Variants in CTNNA2 observed in about 807,000 individuals in gnomAD.
CTNNA2 encodes catenin alpha-2.
In CTNNA2, 42 loss-of-function variants were observed where a neutral mutation model predicts 101.0. That is an observed-to-expected ratio of 0.42 (90% CI 0.32 to 0.54). The LOEUF (loss-of-function observed/expected upper bound fraction) is 0.54, where lower values mean the gene tolerates loss of function less well. CTNNA2 is among the 20% of genes least tolerant of loss of function. CTNNA2 has a pLI of 0.14. For missense variants in CTNNA2, 871 were observed against 1,223.1 expected (o/e 0.71, Z 4.29); for synonymous variants, 450 against 456.4 (o/e 0.99, Z 0.18).
At chr2:79,930,103 G>T (rs1687285975) in intron 7 of CTNNA2, among the ~76,000 whole-genome samples, 1 of 151,884 alleles carries the variant, frequency 6.6e-6, no homozygotes, top group African/African-American at 2.4e-5. Context: ...CGGGTGTGGT[G>T]GTGCGCACCT....
chr2:79,539,785 G>A (rs1036464365), intron 1 of CTNNA2, among the ~76,000 whole-genome samples: 5 of 152,074 alleles, frequency 3.3e-5, no homozygotes, highest in African/African-American at 1.2e-4. Flanking sequence ...AAATGAGGCT[G>A]ACCACAACTG....
intron 4 of CTNNA2, among the ~76,000 whole-genome samples, chr2:79,473,378 GCTAACACACATACATTTTCAAT>G (rs1671020923): frequency 6.6e-6 from 1 of 151,648 alleles, no homozygotes; most frequent in South Asian, 2.1e-4. Flanking sequence ...TACCAAGTAG[GCTAACACACATACATTTTCAAT>G]CTCTCTGTCT....
intron 3 of CTNNA2, among the ~76,000 whole-genome samples, chr2:79,795,646 C>T (rs189582926): frequency 7.4e-4 from 112 of 152,044 alleles, no homozygotes; most frequent in Non-Finnish European, 1.4e-3. Flanking sequence ...GGCTACATTG[C>T]GACTCAAATA....
intron 4 of CTNNA2, among the ~76,000 whole-genome samples, chr2:79,502,520 C>T (rs959381587): frequency 1.3e-5 from 2 of 152,126 alleles, no homozygotes; most frequent in East Asian, 1.9e-4. Context: ...GAGAGAAGTA[C>T]TAGAATCCTC....
intron 2 of CTNNA2, among the ~76,000 whole-genome samples, chr2:79,663,033 A>G (rs1438703713): frequency 2.6e-5 from 4 of 152,052 alleles, no homozygotes; most frequent in African/African-American, 4.8e-5. Flanking sequence ...ACCCATCCCT[A>G]TGGCTTTTAT....
intron 3 of CTNNA2, among the ~76,000 whole-genome samples, chr2:79,833,339 T>G (rs1679070594): frequency 6.6e-6 from 1 of 152,162 alleles, no homozygotes; most frequent in African/African-American, 2.4e-5. Flanking sequence ...GGAGTTAGCC[T>G]AAGAACTCAA....
intron 9 of CTNNA2, among the ~76,000 whole-genome samples, chr2:80,477,825 C>A: frequency 1.3e-5 from 2 of 151,342 alleles, no homozygotes; most frequent in Middle Eastern, 6.9e-3. Flanking sequence ...CATATCTTTG[C>A]AATTGTGAAT....
chr2:80,247,544 A>T (rs1312593294), intron 7 of CTNNA2, among the ~76,000 whole-genome samples: 1 of 152,132 alleles, frequency 6.6e-6, no homozygotes, highest in African/African-American at 2.4e-5. Flanking sequence ...CTTATCTCCA[A>T]CAAGTCTATC....
intron 7 of CTNNA2, among the ~76,000 whole-genome samples, chr2:80,330,554 T>G (rs1316807681): frequency 6.6e-6 from 1 of 152,158 alleles, no homozygotes; most frequent in Non-Finnish European, 1.5e-5. Context: ...TTAGCCATTG[T>G]TCATTTGAAG....
intron 2 of CTNNA2, among the ~76,000 whole-genome samples, chr2:79,226,544 T>C (rs1306844826): frequency 1.3e-5 from 2 of 152,184 alleles, no homozygotes; most frequent in Admixed American, 6.6e-5. Flanking sequence ...CGAGCAGATA[T>C]AGGGAGCATA....
chr2:80,114,668 A>G (rs932786311), intron 7 of CTNNA2, among the ~76,000 whole-genome samples: 29 of 152,352 alleles, frequency 1.9e-4, no homozygotes, highest in African/African-American at 5.3e-4. Flanking sequence ...GATAGAAGCT[A>G]CATTGCACTG....
At chr2:79,552,611 A>T (rs1029953654) in intron 1 of CTNNA2, among the ~76,000 whole-genome samples, 2 of 152,140 alleles carry the variant, frequency 1.3e-5, no homozygotes, top group African/African-American at 2.4e-5. Flanking sequence ...ACATCCGGGC[A>T]TTTCCATTCA....
rs187278529 is a variant in CTNNA2 at position 79,853,075 on chromosome 2, C to T, written c.299-4938C>T. ...TAGAGACACAGTTTCACCATGTTGG[C>T]CAGGCTAGTCTTGAACTCCTGACCT... On this transcript the variant is annotated intron_variant, in intron 3 of 18. Coordinates refer to ENST00000402739, the MANE Select transcript of CTNNA2 (RefSeq NM_001282597.3). Among the ~76,000 whole-genome samples, 137 of 152,054 alleles carry T rather than the reference C, an allele frequency of 9.0e-4. 1 individual carries two copies. Among genetic ancestry groups the T allele is most frequent in the African/African-American group, 3.2e-3 (133 of 41,472 alleles).
At chr2:79,276,939 G>GATGTGCACACACACACATGCAAAC (rs1369615772) in intron 2 of CTNNA2, among the ~76,000 whole-genome samples, 3 of 152,136 alleles carry the variant, frequency 2.0e-5, no homozygotes, top group Non-Finnish European at 4.4e-5. Flanking sequence ...CATGCGCATA[G>GATGTGCACACACACACATGCAAAC]ATGTGCACAC....
At chr2:79,746,164 G>A (rs777648978) in intron 3 of CTNNA2, among the ~76,000 whole-genome samples, 6 of 152,188 alleles carry the variant, frequency 3.9e-5, no homozygotes, top group Admixed American at 6.5e-5. Flanking sequence ...TACTTATGTC[G>A]AAGAACTTTT....
At chr2:80,004,986 G>A (rs534933535) in intron 7 of CTNNA2, among the ~76,000 whole-genome samples, 9 of 152,254 alleles carry the variant, frequency 5.9e-5, no homozygotes, top group Middle Eastern at 6.8e-3. Flanking sequence ...GGGAGCCACC[G>A]TGCCCAAACA....
chr2:79,453,681 G>A (rs938029032), intron 4 of CTNNA2, among the ~76,000 whole-genome samples: 1 of 152,114 alleles, frequency 6.6e-6, no homozygotes, highest in Non-Finnish European at 1.5e-5. Flanking sequence ...CAGAAAAGGA[G>A]GCTGGGTCAT....
intron 2 of CTNNA2, among the ~76,000 whole-genome samples, chr2:79,709,290 A>G (rs567729813): frequency 5.3e-5 from 8 of 152,332 alleles, no homozygotes; most frequent in African/African-American, 1.9e-4. Flanking sequence ...AAGTCCTAAT[A>G]TCATCTGCTT....
intron 2 of CTNNA2, among the ~76,000 whole-genome samples, chr2:79,725,046 A>G (rs1686742809): frequency 6.6e-6 from 1 of 152,038 alleles, no homozygotes; most frequent in South Asian, 2.1e-4. Context: ...TATGTTTTAT[A>G]TTTTGTAGAA....
Sources: gnomAD v4.1 joint callset for allele counts (sites outside exome capture counted in the v4.1 genomes callset) on GRCh38, gnomAD v4.1.1 for gene constraint, MANE v1.5 for transcripts, NCBI Gene and HGNC (gene_info 2026-07-23, HGNC 2026-07-21) for gene names.